USP40: variants seen among roughly 807,000 people sequenced by gnomAD.
The protein encoded by USP40 is ubiquitin specific peptidase 40.
Under a neutral mutation model 166.2 loss-of-function variants are expected in USP40, and 143 were observed. The ratio of observed to expected loss-of-function variants is 0.86; its 90% CI spans 0.75 to 0.99. The LOEUF is 0.99. Among genes scored for constraint, USP40 ranks in the 50% least tolerant of loss-of-function variants. The pLI is 0.00. For missense variants in USP40, 1,444 were observed against 1,479.7 expected, an observed-to-expected ratio of 0.98 and a Z score of 0.40; for synonymous variants, 498 against 524.0, an observed-to-expected ratio of 0.95 and a Z score of 0.68.
chr2:233,483,319 G>C (rs184459468), intron 30 of USP40, among the ~76,000 whole-genome samples: 1 of 151,942 alleles, frequency 6.6e-6, no homozygotes, highest in East Asian at 1.9e-4. Context: ...GCATAACCCC[G>C]TCTCTACCAA....
At position 233,549,377 on chromosome 2, in the gene USP40, TAAATTTA is replaced by T. The variant is rs1025887071; in HGVS notation, c.838-155_838-149del. The T allele has an allele frequency of 2.5e-5, 15 of 592,588 alleles. No individual in the cohort carries two copies. The African/African-American group carries it at 2.6e-4, about 10-fold the overall frequency. 36.7% of individuals were successfully genotyped at this position (592,588 alleles called of 1,614,324 possible). A position where few individuals can be genotyped will look rare whatever the true frequency, so the allele number is the denominator to read the frequency against. On this transcript the variant is annotated intron_variant, in intron 7 of 31. Coordinates refer to ENST00000678225, the MANE Select transcript of USP40 (RefSeq NM_001365479.2). ...AAAGATGAATTCAAGTAATTGGCTT[TAAATTTA>T]AAATTTTTAAATTAATTGATCTAAT...
rs1287220950 is a variant in USP40, at chr2:233,476,431, T to TAA, written c.*959_*960dup. Reference sequence around the variant, plus strand: ...TCTCACAAATGCCAATTAAATCCTTTAAGTTGAATAGAAATCTGGGTTGGA... The same window carrying TAA: ...TCTCACAAATGCCAATTAAATCCTTTAAAAGTTGAATAGAAATCTGGGTTGGA... On this transcript the variant is annotated 3_prime_UTR_variant, in exon 32 of 32. Coordinates refer to ENST00000678225, the MANE Select transcript of USP40 (RefSeq NM_001365479.2). 7 of 152,390 alleles carry TAA rather than the reference T, an allele frequency of 4.6e-5. No homozygotes were observed. The highest frequency in any genetic ancestry group is 1.7e-4 in the African/African-American group (7 of 41,472). The allele number at this position is 152,390 out of a possible 1,614,324, so 9.4% of individuals were successfully genotyped here.
rs372617738 is a variant in USP40 at position 233,533,771 on chromosome 2, C to T, written c.1179G>A (p.Gln393=). ...KQHGPLRKFL[Q]LHSQIFLLSS... ...TGAGTAGAAATATCTGAGAATGGAG[C>T]TGTAAGAACTACACAGAAACAAAAA... Residue 393 remains glutamine (Q), a synonymous_variant, in exon 11 of 32, where the codon CAG becomes CAA. Transcript: ENST00000678225. The T allele has an allele frequency of 8.8e-6, 14 of 1,583,992 alleles. No homozygotes were observed. Among genetic ancestry groups the T allele is most frequent in the Non-Finnish European group, 1.2e-5 (14 of 1,166,624 alleles).
chr2:233,562,950 A>G (rs1170571640), intron 2 of USP40, 147 bp from the exon 3 acceptor site: 1 of 470,768 alleles, frequency 2.1e-6, no homozygotes, highest in African/African-American at 2.0e-5. Context: ...TATACACTTT[A>G]CTTTCTTGTA....
intron 31 of USP40, among the ~76,000 whole-genome samples, chr2:233,478,188 C>T (rs781479130): frequency 1.2e-4 from 19 of 152,338 alleles, no homozygotes; most frequent in Admixed American, 5.9e-4. Context: ...GGTAGGCACG[C>T]GTCCATGTTT....
intron 10 of USP40, among the ~76,000 whole-genome samples, chr2:233,540,123 C>CAAAAAAAAAAA (rs74742520): frequency 6.0e-5 from 3 of 50,032 alleles, no homozygotes; most frequent in Non-Finnish European, 8.9e-5. Context: ...GACCTCAACT[C>CAAAAAAAAAAA]AAAAAAAAAA....
In USP40 at chr2:233,481,245, C is replaced by T. The variant is rs1233301539; in HGVS notation, c.3557G>A (p.Gly1186Glu). 2 of 1,608,276 alleles carry T rather than the reference C, an allele frequency of 1.2e-6. No individual in the cohort carries two copies. Among genetic ancestry groups the T allele is most frequent in the Non-Finnish European group, 1.7e-6 (2 of 1,177,298 alleles). The change falls in exon 31 of 32, where the codon GGA becomes GAA. Residue 1186 changes from glycine (G) to glutamate (E), a missense_variant. Gly to Glu is a moderately conservative substitution (Grantham distance 98). Transcript: ENST00000678225. ...DDFSTIRDDT[G>E]KEKQKQRALG... is the part of the protein sequence containing the mutation. ...GGCCCGTTGTTTCTGCTTTTCTTTT[C>T]CAGTGTCATCTCTGATTGTACTGAA...
chr2:233,545,170 A>C (rs557573545), intron 8 of USP40, among the ~76,000 whole-genome samples: 1 of 152,358 alleles, frequency 6.6e-6, no homozygotes, highest in South Asian at 2.1e-4. Context: ...AAGTCTTCAG[A>C]TGCTGCAATT....
At chr2:233,551,602 C>A in intron 6 of USP40, 83 bp from the exon 7 acceptor site, 1 of 1,285,798 alleles carries the variant, frequency 7.8e-7, no homozygotes, top group South Asian at 1.6e-5. Context: ...TCTGAAAAAA[C>A]AACCTATGAC....
intron 18 of USP40, among the ~76,000 whole-genome samples, chr2:233,517,530 GCA>G (rs1216209408): frequency 6.6e-6 from 1 of 151,966 alleles, no homozygotes; most frequent in Admixed American, 6.6e-5. Flanking sequence ...AACTACAGGC[GCA>G]CACCACCACG....
chr2:233,492,412 T>G (rs1382220355), intron 25 of USP40, among the ~76,000 whole-genome samples: 1 of 152,230 alleles, frequency 6.6e-6, no homozygotes, highest in Admixed American at 6.5e-5. Flanking sequence ...CCATGTGTTG[T>G]GTACAGATGT....
chr2:233,494,964 A>ATATT (rs2065645404), intron 24 of USP40, among the ~76,000 whole-genome samples: 5 of 74,666 alleles, frequency 6.7e-5, no homozygotes, highest in Non-Finnish European at 1.1e-4. Context: ...ATTTATATAT[A>ATATT]TATATATATA....
intron 10 of USP40, among the ~76,000 whole-genome samples, chr2:233,538,973 G>A (rs1253609066): frequency 1.3e-5 from 2 of 152,182 alleles, no homozygotes. Context: ...AGGCTGCAGT[G>A]GGCTGTGACT....
At chr2:233,478,739 G>A (rs947150288) in intron 31 of USP40, among the ~76,000 whole-genome samples, 6 of 152,182 alleles carry the variant, frequency 3.9e-5, no homozygotes, top group African/African-American at 9.7e-5. Context: ...AGGACACCAC[G>A]CTCCCACCAT....
At chr2:233,531,129 C>T (rs1440772594) in intron 11 of USP40, among the ~76,000 whole-genome samples, 3 of 152,088 alleles carry the variant, frequency 2.0e-5, no homozygotes, top group Non-Finnish European at 4.4e-5. Flanking sequence ...CACTCCCTTC[C>T]TTCCCCAAAA....
chr2:233,549,261 AG>A, intron 7 of USP40, 32 bp from the exon 8 acceptor site: 1 of 1,213,990 alleles, frequency 8.2e-7, no homozygotes, highest in Non-Finnish European at 1.1e-6. Context: ...ATATTGATAT[AG>A]TTTTCATAAA....
At chr2:233,548,286 C>T (rs1368005886) in intron 8 of USP40, among the ~76,000 whole-genome samples, 2 of 152,116 alleles carry the variant, frequency 1.3e-5, no homozygotes, top group Non-Finnish European at 2.9e-5. Context: ...CATGACTATG[C>T]ATAATAAACA....
chr2:233,538,003 C>CAA (rs2069060890), intron 10 of USP40, among the ~76,000 whole-genome samples: 1 of 151,616 alleles, frequency 6.6e-6, no homozygotes, highest in South Asian at 2.1e-4. Context: ...TATAAGAAGG[C>CAA]AATAGTAGGA....
intron 3 of USP40, chr2:233,561,130 A>C: frequency 2.6e-6 from 4 of 1,560,480 alleles, no homozygotes; most frequent in Non-Finnish European, 3.5e-6. Flanking sequence ...GAATACGCTA[A>C]AACACCCCAG....
Sources: gnomAD v4.1 joint callset for allele counts (sites outside exome capture counted in the v4.1 genomes callset) on GRCh38, gnomAD v4.1.1 for gene constraint, MANE v1.5 for transcripts, NCBI Gene and HGNC (gene_info 2026-07-23, HGNC 2026-07-21) for gene names.